The following FHIP1A variants were observed in gnomAD, a reference collection of about 807,000 sequenced individuals.
FHIP1A encodes FHF complex subunit HOOK-interacting protein 1A.
In FHIP1A, 61 loss-of-function variants were observed where a neutral mutation model predicts 88.6. The ratio of observed to expected loss-of-function variants is 0.69; its 90% CI spans 0.56 to 0.85. FHIP1A has a LOEUF of 0.85. Ranked by LOEUF, FHIP1A falls within the 40% of genes least tolerant of loss-of-function variation. The probability of loss-of-function intolerance (pLI) is 0.00; values close to 1 mark genes in which losing one functional copy is unlikely to be tolerated. For missense variants in FHIP1A, 1,154 were observed against 1,273.5 expected, an observed-to-expected ratio of 0.91 and a Z score of 1.43; for synonymous variants, 478 against 496.0, an observed-to-expected ratio of 0.96 and a Z score of 0.48.
rs116439184 is a variant in FHIP1A at position 151,523,008 on chromosome 4, T to C, written c.-123+40360T>C. ...AATGAACATGATCATTTATACACTGTCACTGTAGTATAGGCATGTTAAATA... is the reference window on the plus strand; with the variant it reads ...AATGAACATGATCATTTATACACTGCCACTGTAGTATAGGCATGTTAAATA... On this transcript the variant is annotated intron_variant, in intron 3 of 13. Coordinates refer to ENST00000435205, the MANE Select transcript of FHIP1A (RefSeq NM_001109977.3). Among the ~76,000 whole-genome samples, 1,392 of 152,332 alleles carry C rather than the reference T, an allele frequency of 9.1e-3. 19 individuals are homozygous for C. Among genetic ancestry groups the C allele is most frequent in the African/African-American group, 0.031 (1,300 of 41,560 alleles).
intron 3 of FHIP1A, among the ~76,000 whole-genome samples, chr4:151,492,865 T>C (rs922462830): frequency 1.3e-5 from 2 of 152,090 alleles, no homozygotes; most frequent in African/African-American, 4.8e-5. Flanking sequence ...AGCAAATAAA[T>C]GTCTACATCA....
intron 1 of FHIP1A, among the ~76,000 whole-genome samples, chr4:151,443,230 C>T (rs1316798856): frequency 1.3e-5 from 2 of 152,068 alleles, no homozygotes; most frequent in African/African-American, 4.8e-5. Context: ...CCCAGGAGTT[C>T]GAGGTTGCTG....
chr4:151,547,429 C>T (rs1385121132), intron 3 of FHIP1A, among the ~76,000 whole-genome samples: 11 of 152,194 alleles, frequency 7.2e-5, no homozygotes, highest in Admixed American at 3.3e-4. Flanking sequence ...CCCAAAAAAA[C>T]GTTCTGTGGA....
chr4:151,525,722 G>A (rs1441544972), intron 3 of FHIP1A, among the ~76,000 whole-genome samples: 1 of 144,582 alleles, frequency 6.9e-6, no homozygotes, highest in Non-Finnish European at 1.5e-5. Context: ...TGAAGCTAAT[G>A]TTTTGCTGCT....
At chr4:151,451,492 T>C (rs934554117) in intron 1 of FHIP1A, among the ~76,000 whole-genome samples, 1 of 152,206 alleles carries the variant, frequency 6.6e-6, no homozygotes, top group Non-Finnish European at 1.5e-5. Flanking sequence ...TCTAATGAAT[T>C]ATCTGTGCTT....
At chr4:151,467,785 C>A (rs1183835003) in intron 2 of FHIP1A, among the ~76,000 whole-genome samples, 1 of 151,914 alleles carries the variant, frequency 6.6e-6, no homozygotes, top group African/African-American at 2.4e-5. Context: ...ACAATGAGAA[C>A]ACATGGACAC....
At chr4:151,578,154 T>A in intron 5 of FHIP1A, 78 bp downstream of exon 5, 1 of 1,300,284 alleles carries the variant, frequency 7.7e-7, no homozygotes, top group South Asian at 1.5e-5. Context: ...ACTTTCTTAC[T>A]CCCTTTTTTT....
At chr4:151,612,240 G>A (rs1735350214) in intron 7 of FHIP1A, among the ~76,000 whole-genome samples, 2 of 152,236 alleles carry the variant, frequency 1.3e-5, no homozygotes, top group African/African-American at 4.8e-5. Context: ...TTTAACTCCT[G>A]AGCTCCCAAA....
Position 151,448,359 on chromosome 4 carries a change from C to T in FHIP1A, c.-355-6342C>T, listed in dbSNP as rs544250831. Among the ~76,000 whole-genome samples the T allele has an allele frequency of 3.0e-4, 45 of 152,256 alleles. No individual in the cohort carries two copies. The East Asian group carries it at 7.1e-3, about 24-fold the overall frequency. On this transcript the variant is annotated intron_variant, in intron 1 of 13. Transcript: ENST00000435205. ...ACAGTTTTTAAGCATACAGTTCAGT[C>T]GCATAAAGTAGGTTCACATTGTTGT...
chr4:151,666,186 G>T lies in FHIP1A; in HGVS notation c.*3432G>T, dbSNP rs188888515. Among the ~76,000 whole-genome samples, 89 of 152,312 alleles carry T rather than the reference G, an allele frequency of 5.8e-4. 1 individual carries two copies. Among genetic ancestry groups the T allele is most frequent in the African/African-American group, 2.0e-3 (84 of 41,574 alleles). ...TTTACACAAAGAAATTCCAACTTAG[G>T]TTCAGCCTAAAACATAATTTCATGG... On this transcript the variant is annotated 3_prime_UTR_variant, in exon 14 of 14. Coordinates refer to ENST00000435205, the MANE Select transcript of FHIP1A (RefSeq NM_001109977.3).
rs370066018 is a variant in FHIP1A at position 151,646,690 on chromosome 4, G to A, written c.1359G>A (p.Thr453=). ...PVCCSSGITL[T]LGNQERDYIL... The stretch of plus-strand genomic sequence containing the variant: ...GCTGCTCCAGCGGGATCACTCTGAC[G>A]CTGGGGAACCAAGAGAGGGATTATA... The change falls in exon 10 of 14, where the codon ACG becomes ACA. Residue 453 remains threonine (T), a synonymous_variant. Coordinates refer to ENST00000435205, the MANE Select transcript of FHIP1A (RefSeq NM_001109977.3). The A allele has an allele frequency of 6.9e-4, 1,072 of 1,551,480 alleles. 2 individuals are homozygous for A. Among genetic ancestry groups the A allele is most frequent in the Non-Finnish European group, 8.9e-4 (1,019 of 1,146,942 alleles).
chr4:151,602,164 A>G (rs529051031), intron 7 of FHIP1A, among the ~76,000 whole-genome samples: 2 of 152,256 alleles, frequency 1.3e-5, no homozygotes, highest in South Asian at 4.1e-4. Flanking sequence ...TCACATTTCC[A>G]TAGCTGTACA....
chr4:151,435,167 ACTATAGTC>A (rs77947241), intron 1 of FHIP1A, among the ~76,000 whole-genome samples: 78,289 of 151,138 alleles, frequency 0.52, 20,518 homozygotes, highest in African/African-American at 0.55. Context: ...ATTGTTGCTA[ACTATAGTC>A]CTATAGTCAC....
intron 1 of FHIP1A, among the ~76,000 whole-genome samples, chr4:151,415,368 G>C (rs532052417): frequency 6.6e-6 from 1 of 151,986 alleles, no homozygotes; most frequent in East Asian, 1.9e-4. Flanking sequence ...TGTATTTTTA[G>C]GAGAGCCAGG....
chr4:151,448,111 A>G (rs759822041), intron 1 of FHIP1A, among the ~76,000 whole-genome samples: 3 of 151,434 alleles, frequency 2.0e-5, no homozygotes, highest in South Asian at 2.1e-4. Flanking sequence ...TAGAGATGGC[A>G]TTTCACCATG....
intron 9 of FHIP1A, among the ~76,000 whole-genome samples, chr4:151,640,044 GT>G (rs1376270994): frequency 6.6e-6 from 1 of 152,208 alleles, no homozygotes; most frequent in Non-Finnish European, 1.5e-5. Context: ...AGCCAGGGGT[GT>G]CAAAGTGTGA....
chr4:151,458,620 G>A (rs1317193133), intron 2 of FHIP1A, among the ~76,000 whole-genome samples: 5 of 152,044 alleles, frequency 3.3e-5, no homozygotes, highest in Non-Finnish European at 5.9e-5. Context: ...AAGGTCTACT[G>A]GAATATTTTG....
intron 3 of FHIP1A, among the ~76,000 whole-genome samples, chr4:151,518,652 TCCC>T: frequency 3.5e-5 from 1 of 28,854 alleles, no homozygotes; most frequent in African/African-American, 1.3e-4. Flanking sequence ...CCTCCCTCCC[TCCC>T]TCCCTCCCTT....
chr4:151,624,521 C>T (rs1382475690), intron 7 of FHIP1A, among the ~76,000 whole-genome samples: 1 of 152,106 alleles, frequency 6.6e-6, no homozygotes, highest in Non-Finnish European at 1.5e-5. Flanking sequence ...CCCTTTTCTC[C>T]CAGAAGGCAT....
Sources: allele counts gnomAD v4.1 joint callset (sites outside exome capture counted in the v4.1 genomes callset), GRCh38; gene constraint gnomAD v4.1.1; transcripts MANE v1.5; gene names NCBI Gene and HGNC (gene_info 2026-07-23, HGNC 2026-07-21).